UVSSA: variants seen among roughly 807,000 people sequenced by gnomAD.
UVSSA encodes the protein UV stimulated scaffold protein A.
A neutral mutation model predicts 73.9 loss-of-function variants in UVSSA; 72 were observed. The ratio of observed to expected loss-of-function variants is 0.97; its 90% CI spans 0.81 to 1.19. UVSSA has a LOEUF of 1.19. Ranked by LOEUF, UVSSA falls within the 50% of genes most tolerant of loss-of-function variation. The probability of loss-of-function intolerance (pLI) is 0.00; values close to 1 mark genes in which losing one functional copy is unlikely to be tolerated. For missense variants in UVSSA, 1,150 were observed against 965.0 expected (o/e 1.19, Z -2.54); for synonymous variants, 454 against 391.3 (o/e 1.16, Z -1.89).
At chr4:1,358,920 C>T (rs952836546) in intron 7 of UVSSA, among the ~76,000 whole-genome samples, 9 of 152,204 alleles carry the variant, frequency 5.9e-5, no homozygotes, top group Non-Finnish European at 1.5e-5. Context: ...GAACATGGAA[C>T]GCTGCTAGCT....
Position 1,377,004 on chromosome 4 carries a change from G to A in UVSSA, c.1568+836G>A, listed in dbSNP as rs185357057. On this transcript the variant is annotated intron_variant, in intron 10 of 13. Coordinates refer to ENST00000389851, the MANE Select transcript of UVSSA (RefSeq NM_020894.4). ...GACACGGAATATTGCCGTCCCCACA[G>A]CACCCATTTCAAGGGCCGGGCTGCC... 1.9e-4 allele frequency among the ~76,000 whole-genome samples: 29 copies of A among 152,338 alleles called. No homozygotes were observed. In the East Asian group the frequency reaches 5.2e-3, roughly 27 times the overall value.
chr4:1,394,084 T>A, exon 14 of UVSSA: 1 of 299,202 alleles, frequency 3.3e-6, no homozygotes, highest in Non-Finnish European at 6.3e-6. Context: ...CAACTGTGCC[T>A]TTGCCTTCAC....
At chr4:1,373,839 G>A (rs576989624) in intron 8 of UVSSA, among the ~76,000 whole-genome samples, 5 of 152,180 alleles carry the variant, frequency 3.3e-5, no homozygotes, top group South Asian at 2.1e-4. Flanking sequence ...TGCTGTGGCC[G>A]GTCCCCTCAG....
exon 14 of UVSSA, chr4:1,393,575 TAGATAGATA>T (rs1387235338): frequency 2.6e-4 from 4 of 15,494 alleles, no homozygotes; most frequent in Admixed American, 2.1e-3. Flanking sequence ...ATAGATAGAT[TAGATAGATA>T]GATAGATAGA....
chr4:1,375,703 G>T (rs566960217), intron 9 of UVSSA, among the ~76,000 whole-genome samples, 195 bp downstream of exon 9: 1 of 152,374 alleles, frequency 6.6e-6, no homozygotes, highest in Admixed American at 6.5e-5. Context: ...ATCAGCTGGA[G>T]CCCGGGTGGG....
intron 13 of UVSSA, chr4:1,384,764 A>G (rs1387885688): frequency 6.6e-6 from 1 of 152,218 alleles, no homozygotes; most frequent in Non-Finnish European, 1.5e-5. Flanking sequence ...GAAGGTGCTA[A>G]GTGCACCGGG....
At chr4:1,374,076 C>T (rs374219037) in intron 8 of UVSSA, among the ~76,000 whole-genome samples, 7 of 152,084 alleles carry the variant, frequency 4.6e-5, no homozygotes, top group Non-Finnish European at 7.4e-5. Context: ...GTTTTCTTTC[C>T]GTGGATTCCG....
chr4:1,368,750 T>C (rs1717652347), intron 8 of UVSSA, among the ~76,000 whole-genome samples: 1 of 152,216 alleles, frequency 6.6e-6, no homozygotes, highest in Non-Finnish European at 1.5e-5. Flanking sequence ...TGAAGGCACC[T>C]CCAGATGTGT....
intron 3 of UVSSA, among the ~76,000 whole-genome samples, chr4:1,350,599 C>CA (rs1359175189): frequency 1.1e-4 from 17 of 152,216 alleles, no homozygotes; most frequent in African/African-American, 3.9e-4. Context: ...TTCCCGGGCT[C>CA]AGACAGCAGA....
exon 14 of UVSSA, chr4:1,393,962 C>G (rs927679457): frequency 1.0e-5 from 2 of 198,542 alleles, no homozygotes; most frequent in Admixed American, 5.3e-5. Context: ...ACCAGTAACT[C>G]TCACGGTTCT....
At chr4:1,361,724 C>T (rs986236137) in intron 7 of UVSSA, among the ~76,000 whole-genome samples, 3 of 152,352 alleles carry the variant, frequency 2.0e-5, no homozygotes, top group Admixed American at 6.5e-5. Context: ...GATGCAATGA[C>T]GACCATCACA....
intron 5 of UVSSA, chr4:1,354,472 A>C: frequency 2.0e-6 from 1 of 499,080 alleles, no homozygotes; most frequent in Non-Finnish European, 3.7e-6. Context: ...TCCAGATGGG[A>C]TGGCTGCAGC....
chr4:1,363,498 T>C (rs1716924263), intron 7 of UVSSA, among the ~76,000 whole-genome samples: 2 of 152,236 alleles, frequency 1.3e-5, no homozygotes, highest in African/African-American at 4.8e-5. Flanking sequence ...ATTTAAAATC[T>C]GGCACTATAT....
At chr4:1,374,913 T>A in intron 8 of UVSSA, 1 of 179,350 alleles carries the variant, frequency 5.6e-6, no homozygotes, top group South Asian at 1.3e-4. Flanking sequence ...GTGGGTGGCC[T>A]TTCCAAGCGG....
chr4:1,372,666 T>C (rs1489711796), intron 8 of UVSSA, among the ~76,000 whole-genome samples: 2 of 105,070 alleles, frequency 1.9e-5, no homozygotes, highest in African/African-American at 1.0e-4. Context: ...ATGTGCTCAG[T>C]GTTCCTCCCG....
intron 13 of UVSSA, chr4:1,385,298 C>T (rs1719984940): frequency 6.4e-6 from 1 of 155,834 alleles, no homozygotes; most frequent in Non-Finnish European, 1.4e-5. Flanking sequence ...GCAGCTTCAC[C>T]ACATTGTGGC....
chr4:1,348,266 C>G, intron 2 of UVSSA, 77 bp downstream of exon 2: 3 of 1,173,972 alleles, frequency 2.6e-6, no homozygotes, highest in Non-Finnish European at 3.8e-6. Flanking sequence ...GCCCTCCTGC[C>G]CCCACCTGGG....
Position 1,375,418 on chromosome 4 carries a change from C to G in UVSSA, c.1343C>G (p.Thr448Arg). ...GTTGTGCGGTGCTTGCGGACGAGGA[C>G]GAGGATGGACGAGGAGGTGTCGGAC... ...DTVVRCLRTR[T>R]RMDEEVSDPT... Residue 448 changes from threonine to arginine, a missense_variant, in exon 9 of 14, where the codon ACG (threonine) becomes AGG (arginine). Transcript: ENST00000389851. 6.2e-7 allele frequency: 1 copy of G among 1,613,428 alleles called. No homozygotes were observed. Among genetic ancestry groups the G allele is most frequent in the Non-Finnish European group, 8.5e-7 (1 of 1,180,004 alleles).
intron 7 of UVSSA, among the ~76,000 whole-genome samples, chr4:1,365,220 A>G (rs1717153448): frequency 1.3e-5 from 2 of 152,250 alleles, no homozygotes; most frequent in Admixed American, 6.5e-5. Flanking sequence ...GCAGGGAGGC[A>G]GGTGCCTCCC....
Sources: allele counts gnomAD v4.1 joint callset (sites outside exome capture counted in the v4.1 genomes callset), GRCh38; gene constraint gnomAD v4.1.1; transcripts MANE v1.5; gene names NCBI Gene and HGNC (gene_info 2026-07-23, HGNC 2026-07-21).